RNF169: variants seen among roughly 807,000 people sequenced by gnomAD.
RNF169 encodes ring finger protein 169.
A neutral mutation model predicts 53.9 loss-of-function variants in RNF169; 24 were observed. The observed-to-expected ratio is 0.45, with a 90% CI of 0.32 to 0.63. RNF169 has a LOEUF of 0.63. RNF169 is among the 20% of genes least tolerant of loss of function. The pLI is 0.04. For missense variants in RNF169, 883 were observed against 906.2 expected (o/e 0.97, Z 0.33); for synonymous variants, 396 against 363.5 (o/e 1.09, Z -1.02).
intron 1 of RNF169, among the ~76,000 whole-genome samples, chr11:74,771,991 A>G (rs748353529): frequency 2.0e-5 from 3 of 152,210 alleles, no homozygotes; most frequent in Admixed American, 6.5e-5. Flanking sequence ...AAATCCAAAG[A>G]CAGTCCGAAA....
At chr11:74,799,929 C>T (rs745716043) in intron 2 of RNF169, among the ~76,000 whole-genome samples, 10 of 150,512 alleles carry the variant, frequency 6.6e-5, no homozygotes, top group Admixed American at 2.7e-4. Flanking sequence ...GATTTTAGAT[C>T]ACATTATGCA....
intron 1 of RNF169, among the ~76,000 whole-genome samples, chr11:74,750,865 GTTTTTTTTTTTTTTT>G (rs35173529): frequency 2.3e-4 from 14 of 60,140 alleles, no homozygotes; most frequent in African/African-American, 9.7e-4. Context: ...GCCTCCCAAG[GTTTTTTTTTTTTTTT>G]TTTTTTTTTT....
chr11:74,761,937 A>G (rs2135313009), intron 1 of RNF169, among the ~76,000 whole-genome samples: 2 of 149,990 alleles, frequency 1.3e-5, no homozygotes, highest in Middle Eastern at 6.8e-3. Context: ...ACTTTCAGGT[A>G]TACCAATCAG....
intron 1 of RNF169, among the ~76,000 whole-genome samples, chr11:74,753,720 A>AT (rs535727992): frequency 1.2e-4 from 18 of 150,800 alleles, no homozygotes; most frequent in African/African-American, 2.4e-4. Context: ...GACGTTCTTA[A>AT]TTTTTTTTTT....
chr11:74,765,163 C>T lies in RNF169; in HGVS notation c.502+15781C>T, dbSNP rs143977555. On this transcript the variant is annotated intron_variant, in intron 1 of 5. Transcript: ENST00000299563. ...GGTCAAGACTGCAGTAAGCTGTGTTCGTGCCACTGTACTCCAACCTAGGTG... is the reference window on the plus strand; with the variant it reads ...GGTCAAGACTGCAGTAAGCTGTGTTTGTGCCACTGTACTCCAACCTAGGTG... Among the ~76,000 whole-genome samples the T allele has an allele frequency of 4.1e-3, 630 of 152,102 alleles. 4 individuals are homozygous for T. Among genetic ancestry groups the T allele is most frequent in the African/African-American group, 0.015 (611 of 41,498 alleles).
In RNF169 at chr11:74,835,679, C is replaced by T. The variant is rs752192508; in HGVS notation, c.1076C>T (p.Ser359Phe). 3 of 1,614,138 alleles carry T rather than the reference C, an allele frequency of 1.9e-6. No individual in the cohort carries two copies. In the South Asian group the frequency reaches 3.3e-5, roughly 18 times the overall value. The change falls in exon 6 of 6, where the codon TCC becomes TTC. Residue 359 changes from serine to phenylalanine, a missense_variant. Coordinates refer to ENST00000299563, the MANE Select transcript of RNF169 (RefSeq NM_001098638.2). ...LPFSSLSSLA[S>F]LHKPERSVSP... ...TTCAGCTCCCTTTCATCCTTGGCTT[C>T]CCTGCATAAGCCAGAGCGTTCTGTC...
intron 4 of RNF169, among the ~76,000 whole-genome samples, chr11:74,827,286 G>T (rs996032043): frequency 3.9e-5 from 6 of 152,144 alleles, no homozygotes; most frequent in Admixed American, 6.5e-5. Context: ...TTTTAGCCAC[G>T]GCTGGGGTGT....
intron 2 of RNF169, among the ~76,000 whole-genome samples, chr11:74,798,998 G>A (rs1284078957): frequency 4.7e-5 from 7 of 150,292 alleles, no homozygotes; most frequent in Non-Finnish European, 1.0e-4. Flanking sequence ...AGGCTGCAGT[G>A]AGTCGTGATT....
At chr11:74,771,998 G>A (rs74672974) in intron 1 of RNF169, among the ~76,000 whole-genome samples, 1,685 of 152,218 alleles carry the variant, frequency 0.011, 31 homozygotes, top group African/African-American at 0.036. Context: ...AAGACAGTCC[G>A]AAACACTGAT....
intron 2 of RNF169, chr11:74,807,862 C>G (rs2135114017): frequency 6.6e-6 from 1 of 152,194 alleles, no homozygotes; most frequent in South Asian, 2.1e-4. Flanking sequence ...CAACCAAAAG[C>G]AATGAAAACA....
chr11:74,786,408 G>T (rs575029176), intron 1 of RNF169, among the ~76,000 whole-genome samples: 2 of 151,914 alleles, frequency 1.3e-5, no homozygotes, highest in South Asian at 4.2e-4. Context: ...AATTGTTGGG[G>T]GGTTTTTTTG....
In RNF169 at chr11:74,835,954, A is replaced by T; in HGVS notation, c.1351A>T (p.Thr451Ser). The change falls in exon 6 of 6, where the codon ACT becomes TCT. Residue 451 changes from threonine to serine, a missense_variant. Thr to Ser is a moderately conservative substitution (Grantham distance 58). Transcript: ENST00000299563. Reference sequence around the variant, plus strand: ...GATCAAAAAGACCCTTTCAAAAGCCACTCTTACCTCTCTGGCTCCTGAAAT... The same window carrying T: ...GATCAAAAAGACCCTTTCAAAAGCCTCTCTTACCTCTCTGGCTCCTGAAAT... Reference protein sequence around the residue: ...RQIKKTLSKATLTSLAPEMGE... With the variant: ...RQIKKTLSKASLTSLAPEMGE... 6.2e-7 allele frequency: 1 copy of T among 1,613,954 alleles called. No individual in the cohort carries two copies. Among genetic ancestry groups the T allele is most frequent in the Non-Finnish European group, 8.5e-7 (1 of 1,179,982 alleles).
At chr11:74,778,227 CCTTT>C (rs1027615472) in intron 1 of RNF169, among the ~76,000 whole-genome samples, 5 of 152,066 alleles carry the variant, frequency 3.3e-5, no homozygotes, top group African/African-American at 1.2e-4. Context: ...GAGTTTTGTG[CCTTT>C]CTTTTTATAT....
At chr11:74,755,723 G>A (rs2034971857) in intron 1 of RNF169, among the ~76,000 whole-genome samples, 1 of 152,206 alleles carries the variant, frequency 6.6e-6, no homozygotes, top group Admixed American at 6.5e-5. Flanking sequence ...AGATGAGGAA[G>A]GAGGGGATGT....
chr11:74,818,267 A>G (rs977091788), intron 4 of RNF169, among the ~76,000 whole-genome samples: 3 of 152,190 alleles, frequency 2.0e-5, no homozygotes, highest in Admixed American at 6.5e-5. Context: ...ATGAATAGAT[A>G]GGAGGAAGGA....
At position 74,835,791 on chromosome 11, in the gene RNF169, C is replaced by G. The variant is rs776431867; in HGVS notation, c.1188C>G (p.Leu396=). ...VCSPCTPPKR[L]PDGRVLSPLI... is the part of the protein sequence containing the mutation. Reference sequence around the variant, plus strand: ...CACCATGTACTCCTCCCAAGAGACTCCCTGATGGCCGTGTGCTAAGTCCTC... The same window carrying G: ...CACCATGTACTCCTCCCAAGAGACTGCCTGATGGCCGTGTGCTAAGTCCTC... The change falls in exon 6 of 6, where the codon CTC becomes CTG. Residue 396 remains leucine (L), a synonymous_variant. Coordinates refer to ENST00000299563, the MANE Select transcript of RNF169 (RefSeq NM_001098638.2). The G allele has an allele frequency of 1.1e-5, 17 of 1,614,078 alleles. No individual in the cohort carries two copies. Among genetic ancestry groups the G allele is most frequent in the Admixed American group, 1.7e-5 (1 of 60,010 alleles).
intron 3 of RNF169, among the ~76,000 whole-genome samples, chr11:74,812,222 A>T (rs2035884835): frequency 6.6e-6 from 1 of 152,104 alleles, no homozygotes; most frequent in East Asian, 1.9e-4. Context: ...ATAAAATCTG[A>T]CCTATGAATG....
At chr11:74,814,047 G>A (rs911609525) in intron 3 of RNF169, among the ~76,000 whole-genome samples, 1 of 152,002 alleles carries the variant, frequency 6.6e-6, no homozygotes, top group Non-Finnish European at 1.5e-5. Context: ...TTGGCCAGAC[G>A]TGGTGGCTCA....
chr11:74,837,275 AAAT>A lies in RNF169; in HGVS notation c.*550_*552del, dbSNP rs2036271618. 3 of 153,116 alleles carry A rather than the reference AAAT, an allele frequency of 2.0e-5. No homozygotes were observed. The highest frequency in any genetic ancestry group is 6.5e-5 in the Admixed American group (1 of 15,350). 9.5% of individuals were successfully genotyped at this position (153,116 alleles called of 1,614,324 possible). A position where few individuals can be genotyped will look rare whatever the true frequency, so the allele number is the denominator to read the frequency against. On this transcript the variant is annotated 3_prime_UTR_variant, in exon 6 of 6. Transcript: ENST00000299563. ...AGTTAATTTACATTCTCTGTTTAAA[AAAT>A]AATATTTGGTGAATGCTATATAGTT... is the stretch of plus-strand genomic sequence containing the variant.
Sources: gnomAD v4.1 joint callset for allele counts (sites outside exome capture counted in the v4.1 genomes callset) on GRCh38, gnomAD v4.1.1 for gene constraint, MANE v1.5 for transcripts, NCBI Gene and HGNC (gene_info 2026-07-23, HGNC 2026-07-21) for gene names.